The following TFR2 variants were observed in gnomAD, a reference collection of about 807,000 sequenced individuals.
The protein encoded by TFR2 is transferrin receptor protein 2.
Under a neutral mutation model 91.9 loss-of-function variants are expected in TFR2, and 64 were observed. That is an observed-to-expected ratio of 0.70 (90% confidence interval 0.57 to 0.86). The LOEUF (loss-of-function observed/expected upper bound fraction) is 0.86, where lower values mean the gene tolerates loss of function less well. Among genes scored for constraint, TFR2 ranks in the 40% least tolerant of loss-of-function variants. The pLI is 0.00. For missense variants in TFR2, 950 were observed against 1,080.5 expected (o/e 0.88, Z 1.69); for synonymous variants, 454 against 459.6 (o/e 0.99, Z 0.15).
intron 10 of TFR2, among the ~76,000 whole-genome samples, chr7:100,628,776 T>G (rs1358962321): frequency 6.6e-6 from 1 of 150,612 alleles, no homozygotes; most frequent in Non-Finnish European, 1.5e-5. Flanking sequence ...TTCTTTTCTT[T>G]CTTTTTTTTA....
intron 17 of TFR2, among the ~76,000 whole-genome samples, chr7:100,625,941 G>A (rs1310287664): frequency 6.6e-6 from 1 of 152,128 alleles, no homozygotes; most frequent in Non-Finnish European, 1.5e-5. Context: ...GAAAATGCAA[G>A]GAGGAGAGAT....
intron 3 of TFR2, among the ~76,000 whole-genome samples, chr7:100,639,383 C>A (rs1459593117): frequency 6.6e-6 from 1 of 152,104 alleles, no homozygotes; most frequent in African/African-American, 2.4e-5. Context: ...ATCAATCAAT[C>A]AATAAAAGTC....
At chr7:100,624,586 C>G (rs1050186002) in intron 17 of TFR2, among the ~76,000 whole-genome samples, 10 of 152,144 alleles carry the variant, frequency 6.6e-5, no homozygotes, top group African/African-American at 2.4e-4. Context: ...TTTACAAAAA[C>G]AGGGAGCAGA....
chr7:100,623,689 G>A (rs1198805028), intron 17 of TFR2, among the ~76,000 whole-genome samples: 1 of 151,896 alleles, frequency 6.6e-6, no homozygotes, highest in Non-Finnish European at 1.5e-5. Context: ...AGGCCAAGGT[G>A]GGAGGATCAC....
intron 9 of TFR2, among the ~76,000 whole-genome samples, chr7:100,629,681 C>G (rs1323521512): frequency 6.6e-6 from 1 of 152,214 alleles, no homozygotes; most frequent in Non-Finnish European, 1.5e-5. Context: ...CCTGAGCCTC[C>G]CAAGTAGCTG....
Position 100,620,586 on chromosome 7 carries a change from C to A in TFR2, c.*271G>T. The stretch of plus-strand genomic sequence containing the variant: ...GAGTGGTCTCTAGGTATGGAGGACC[C>A]CAGAAAGGGGAAGGGGCTGTGATTG... On this transcript the variant is annotated 3_prime_UTR_variant, in exon 18 of 18. Transcript: ENST00000223051. 2.3e-6 allele frequency: 1 copy of A among 433,798 alleles called. No individual in the cohort carries two copies. Among genetic ancestry groups the A allele is most frequent in the Non-Finnish European group, 4.2e-6 (1 of 236,628 alleles). The allele number at this position is 433,798 out of a possible 1,614,324, so 26.9% of individuals were successfully genotyped here. A position where few individuals can be genotyped will look rare whatever the true frequency, so the allele number is the denominator to read the frequency against.
intron 8 of TFR2, 81 bp downstream of exon 8, chr7:100,631,725 T>A: frequency 1.3e-6 from 2 of 1,541,510 alleles, no homozygotes; most frequent in Non-Finnish European, 8.7e-7. Context: ...TTTTTCTAGT[T>A]CACCCACAAT....
At chr7:100,636,324 C>T (rs935661187) in intron 3 of TFR2, among the ~76,000 whole-genome samples, 1 of 151,662 alleles carries the variant, frequency 6.6e-6, no homozygotes, top group African/African-American at 2.4e-5. Flanking sequence ...TACAGGCATG[C>T]ACCATCACAC....
At position 100,626,801 on chromosome 7, in the gene TFR2, C is replaced by G. The variant is rs747870790; in HGVS notation, c.2098G>C (p.Glu700Gln). The G allele has an allele frequency of 6.5e-7, 1 of 1,548,662 alleles. No homozygotes were observed. Among genetic ancestry groups the G allele is most frequent in the Non-Finnish European group, 8.7e-7 (1 of 1,146,918 alleles). The change falls in exon 17 of 18, where the codon GAG becomes CAG. Residue 700 changes from glutamate (E) to glutamine (Q), a missense_variant. Transcript: ENST00000223051. The part of the protein sequence containing the change: ...QEIYSSEERD[E>Q]RLTRMYNVRI... ...ACGTTGTACATGCGTGTCAGTCGCT[C>G]GTCTCTCTCCTCCGAGCTGTAGATC...
chr7:100,627,674 G>A lies in TFR2; in HGVS notation c.1683-13C>T, dbSNP rs200217701. On this transcript the variant is annotated splice_polypyrimidine_tract_variant and intron_variant, in intron 14 of 17. Transcript: ENST00000223051. ...TAGGGGCCGGATCCTGGGGGCAGGTGGGTTGGAGCGATCTGTGGGTTCAGG... is the reference window on the plus strand; with the variant it reads ...TAGGGGCCGGATCCTGGGGGCAGGTAGGTTGGAGCGATCTGTGGGTTCAGG... 1.4e-4 allele frequency: 228 copies of A among 1,613,994 alleles called. No individual in the cohort carries two copies. The highest frequency in any genetic ancestry group is 2.2e-4 in the Admixed American group (13 of 60,000).
chr7:100,627,091 A>G (rs1034817480), intron 16 of TFR2, among the ~76,000 whole-genome samples, 173 bp downstream of exon 16: 1 of 152,094 alleles, frequency 6.6e-6, no homozygotes, highest in African/African-American at 2.4e-5. Flanking sequence ...TGCACCTGCC[A>G]GGTTGGGCGA....
rs1224482126 is a variant in TFR2 at position 100,629,496 on chromosome 7, G to C, written c.1271-124C>G. 3 of 1,562,978 alleles carry C rather than the reference G, an allele frequency of 1.9e-6. No individual in the cohort carries two copies. In the African/African-American group the frequency reaches 4.1e-5, roughly 21 times the overall value. ...CAACCCTAGCCCTGCAGTCCCTCCA[G>C]TCCCTAAAGAGGGCGCCCCTCCCCA... On this transcript the variant is annotated intron_variant, in intron 9 of 17. Transcript: ENST00000223051.
At chr7:100,639,158 G>A (rs1584463654) in intron 3 of TFR2, among the ~76,000 whole-genome samples, 3 of 152,152 alleles carry the variant, frequency 2.0e-5, no homozygotes. Context: ...TTGAGCTTAC[G>A]AGTTGGAGAC....
chr7:100,627,034 G>T (rs1405505189), intron 16 of TFR2, 131 bp from the exon 17 acceptor site: 4 of 1,402,130 alleles, frequency 2.9e-6, no homozygotes, highest in Non-Finnish European at 3.8e-6. Flanking sequence ...GGAGGTAGAC[G>T]AGGACAGAGT....
chr7:100,640,582 GGGGACCCAGACAC>G, intron 3 of TFR2, 91 bp downstream of exon 3: 2 of 1,349,698 alleles, frequency 1.5e-6, no homozygotes, highest in South Asian at 2.6e-5. Context: ...GACTCAGGAG[GGGGACCCAGACAC>G]CAGAGGCCTG....
rs1803500820 is a variant in TFR2 at position 100,633,221 on chromosome 7, G to GT, written c.726+7dup. ...GCCCCATCCTAGGAGCGGGCAGGGG[G>GT]TGCTCACCGTGACGTTGCCGATGGC... On this transcript the variant is annotated splice_region_variant and intron_variant, in intron 5 of 17. Transcript: ENST00000223051. 1 of 1,613,556 alleles carries GT rather than the reference G, an allele frequency of 6.2e-7. No homozygotes were observed. The highest frequency in any genetic ancestry group is 1.3e-5 in the African/African-American group (1 of 74,918).
In TFR2 at chr7:100,621,162, C is replaced by T. The variant is rs1562835148; in HGVS notation, c.2137-36G>A. ...AGGGGGATCAGGTCAGGGTTGGGGG[C>T]TCTGGCTCGGGAGCAAAGGCCCGAG... On this transcript the variant is annotated intron_variant, in intron 17 of 17. Coordinates refer to ENST00000223051, the MANE Select transcript of TFR2 (RefSeq NM_003227.4). 4 of 1,452,916 alleles carry T rather than the reference C, an allele frequency of 2.8e-6. No individual in the cohort carries two copies. The East Asian group carries it at 1.0e-4, about 37-fold the overall frequency. 90.0% of individuals were successfully genotyped at this position (1,452,916 alleles called of 1,614,324 possible). A position where few individuals can be genotyped will look rare whatever the true frequency, so the allele number is the denominator to read the frequency against.
chr7:100,621,919 C>T (rs939372915), intron 17 of TFR2, among the ~76,000 whole-genome samples: 2 of 152,168 alleles, frequency 1.3e-5, no homozygotes, highest in African/African-American at 2.4e-5. Context: ...TGCTTCCACC[C>T]GTGGGCAGGT....
chr7:100,638,429 T>C (rs1365780127), intron 3 of TFR2, among the ~76,000 whole-genome samples: 2 of 151,084 alleles, frequency 1.3e-5, no homozygotes, highest in African/African-American at 4.9e-5. Flanking sequence ...CTGGGCAACA[T>C]AGGGAGACCT....
Sources: gnomAD v4.1 joint callset for allele counts (sites outside exome capture counted in the v4.1 genomes callset) on GRCh38, gnomAD v4.1.1 for gene constraint, MANE v1.5 for transcripts, NCBI Gene and HGNC (gene_info 2026-07-23, HGNC 2026-07-21) for gene names.